Variants in PCDHGA5 observed in about 807,000 individuals in gnomAD.
The protein encoded by PCDHGA5 is protocadherin gamma subfamily A, 5, also known as protocadherin gamma-A5.
Under a neutral mutation model 56.7 loss-of-function variants are expected in PCDHGA5, and 36 were observed. The observed-to-expected ratio is 0.64, with a 90% confidence interval of 0.49 to 0.84. The LOEUF is 0.84. Among genes scored for constraint, PCDHGA5 ranks in the 40% least tolerant of loss-of-function variants. The pLI, the probability that PCDHGA5 is intolerant of heterozygous loss-of-function variation, is 0.00. For synonymous variants in PCDHGA5, 563 were observed against 520.2 expected (o/e 1.08, Z -1.12); for missense variants, 1,305 against 1,201.5 (o/e 1.09, Z -1.27).
At chr5:141,458,064 C>T (rs886724551) in intron 1 of PCDHGA5, among the ~76,000 whole-genome samples, 14 of 152,104 alleles carry the variant, frequency 9.2e-5, no homozygotes, top group East Asian at 3.9e-4. Context: ...TGCACTGATG[C>T]GAACAACTAT....
chr5:141,499,191 C>A (rs920773306), intron 2 of PCDHGA5, among the ~76,000 whole-genome samples: 1 of 152,116 alleles, frequency 6.6e-6, no homozygotes, highest in Non-Finnish European at 1.5e-5. Context: ...ACCATTTCCC[C>A]CTTCTTAGGC....
intron 1 of PCDHGA5, chr5:141,399,873 C>T (rs1331485851): frequency 1.9e-6 from 3 of 1,612,836 alleles, no homozygotes; most frequent in Non-Finnish European, 2.5e-6. Context: ...AGCCCGGCTA[C>T]CTGGTGACCA....
At chr5:141,430,331 T>C (rs1266364984) in intron 1 of PCDHGA5, among the ~76,000 whole-genome samples, 2 of 150,984 alleles carry the variant, frequency 1.3e-5, no homozygotes, top group Non-Finnish European at 2.9e-5. Context: ...TCATTGTTTA[T>C]AGAAACTTCC....
intron 1 of PCDHGA5, chr5:141,370,674 G>A: frequency 1.9e-6 from 3 of 1,613,890 alleles, no homozygotes; most frequent in South Asian, 1.1e-5. Flanking sequence ...AGACCGAGAG[G>A]AGATTTGTGG....
chr5:141,475,008 T>C (rs1292437400), intron 1 of PCDHGA5, among the ~76,000 whole-genome samples: 1 of 152,258 alleles, frequency 6.6e-6, no homozygotes, highest in Admixed American at 6.5e-5. Flanking sequence ...TGCAGAAAAG[T>C]TAAGGCTCTT....
At chr5:141,438,635 T>TAC (rs56854727) in intron 1 of PCDHGA5, among the ~76,000 whole-genome samples, 5 of 33,422 alleles carry the variant, frequency 1.5e-4, no homozygotes, top group Admixed American at 8.3e-4. Flanking sequence ...TATATATATA[T>TAC]ACACACACAC....
intron 1 of PCDHGA5, among the ~76,000 whole-genome samples, chr5:141,443,859 GAA>G (rs2098408229): frequency 6.6e-6 from 1 of 152,104 alleles, no homozygotes; most frequent in Non-Finnish European, 1.5e-5. Context: ...TCTGAAAACT[GAA>G]AAAATTACTG....
chr5:141,374,091 C>A, intron 1 of PCDHGA5: 1 of 1,536,766 alleles, frequency 6.5e-7, no homozygotes, highest in Non-Finnish European at 8.8e-7. Context: ...GTAATGGCGC[C>A]TCCGCAGAGG....
chr5:141,419,455 G>A lies in PCDHGA5; in HGVS notation c.2421+52704G>A, dbSNP rs770156844. 8.1e-6 allele frequency: 13 copies of A among 1,612,598 alleles called. No homozygotes were observed. The African/African-American group carries it at 1.7e-4, about 22-fold the overall frequency. ...AGCTGCGCACCTTCGAGCTCACGCT[G>A]CAGGCCCGCGACCAGGGCTCGCCCG... is the stretch of plus-strand genomic sequence containing the variant. On this transcript the variant is annotated intron_variant, in intron 1 of 3. Coordinates refer to ENST00000518069, the MANE Select transcript of PCDHGA5 (RefSeq NM_018918.3).
At chr5:141,492,163 C>T (rs921256341) in intron 1 of PCDHGA5, among the ~76,000 whole-genome samples, 22 of 152,232 alleles carry the variant, frequency 1.4e-4, no homozygotes, top group African/African-American at 5.3e-4. Context: ...CCTCCCTATC[C>T]CCGCATCACC....
At chr5:141,473,548 C>A (rs1158305951) in intron 1 of PCDHGA5, among the ~76,000 whole-genome samples, 3 of 152,118 alleles carry the variant, frequency 2.0e-5, no homozygotes, top group South Asian at 2.1e-4. Context: ...TAATGGAAGA[C>A]CTCTATTAGG....
At chr5:141,400,261 C>G in intron 1 of PCDHGA5, 1 of 1,614,058 alleles carries the variant, frequency 6.2e-7, no homozygotes. Context: ...CTTGCGCCTG[C>G]GACGCTCCTC....
chr5:141,394,760 T>C (rs374519404), intron 1 of PCDHGA5: 68 of 1,613,366 alleles, frequency 4.2e-5, no homozygotes, highest in Middle Eastern at 3.3e-4. Flanking sequence ...TCCAGGACCA[T>C]GGCCAGCCCC....
rs2099416627 is a variant in PCDHGA5 at position 141,477,726 on chromosome 5, C to T, written c.2422-17081C>T. 6.2e-7 allele frequency: 1 copy of T among 1,613,822 alleles called. No homozygotes were observed. The highest frequency in any genetic ancestry group is 8.5e-7 in the Non-Finnish European group (1 of 1,180,020). ...GATCGGCGGGAATTTGAATTAACAG[C>T]TCATATCAGCGATGGGGGCACCCCG... On this transcript the variant is annotated intron_variant, in intron 1 of 3. Coordinates refer to ENST00000518069, the MANE Select transcript of PCDHGA5 (RefSeq NM_018918.3). This position sits in a 1 kb window ranked among gnomAD's most constrained non-coding sequence, Gnocchi z 4.9.
chr5:141,381,889 G>A (rs1385598954), intron 1 of PCDHGA5, among the ~76,000 whole-genome samples: 2 of 132,634 alleles, frequency 1.5e-5, no homozygotes, highest in Non-Finnish European at 3.1e-5. Context: ...GAGTGCAATG[G>A]TGTGATCTCG....
chr5:141,393,742 A>T, intron 1 of PCDHGA5: 1 of 1,613,902 alleles, frequency 6.2e-7, no homozygotes, highest in Non-Finnish European at 8.5e-7. Flanking sequence ...CTAGATTATG[A>T]AGAATGTTCA....
At chr5:141,443,853 A>G (rs929370798) in intron 1 of PCDHGA5, among the ~76,000 whole-genome samples, 3 of 152,230 alleles carry the variant, frequency 2.0e-5, no homozygotes, top group African/African-American at 7.2e-5. Flanking sequence ...GGAAAGTCTG[A>G]AAACTGAAAA....
chr5:141,404,103 G>C lies in PCDHGA5; in HGVS notation c.2421+37352G>C, dbSNP rs773489391. 14 of 1,613,372 alleles carry C rather than the reference G, an allele frequency of 8.7e-6. No homozygotes were observed. In the East Asian group the frequency reaches 2.9e-4, roughly 33 times the overall value. On this transcript the variant is annotated intron_variant, in intron 1 of 3. Transcript: ENST00000518069. ...TCCGGGAAGAATGGTCAAGTTGTCT[G>C]TTCTATCCAGGAGAATCTATCTTTT...
At chr5:141,479,358 GC>G (rs2154577546) in intron 1 of PCDHGA5, 1 of 152,584 alleles carries the variant, frequency 6.6e-6, no homozygotes, top group Non-Finnish European at 1.5e-5. Flanking sequence ...GCTGCTCAGT[GC>G]CTGAGGTGGG....
Sources: gnomAD v4.1 joint callset for allele counts (sites outside exome capture counted in the v4.1 genomes callset) on GRCh38, gnomAD v4.1.1 for gene constraint, Gnocchi (gnomAD v3.1) non-coding constraint, MANE v1.5 for transcripts, NCBI Gene and HGNC (gene_info 2026-07-23, HGNC 2026-07-21) for gene names.